The following PSMB1 variants were observed in gnomAD, a reference collection of about 807,000 sequenced individuals.
The protein encoded by PSMB1 is proteasome 20S subunit beta 1.
PSMB1 carries 7 observed loss-of-function variants against 25.4 expected under a neutral mutation model. The observed-to-expected ratio is 0.28, with a 90% CI of 0.16 to 0.52. The LOEUF is 0.52. Ranked by LOEUF, PSMB1 falls within the 20% of genes least tolerant of loss-of-function variation. The probability of loss-of-function intolerance (pLI) is 0.97; values close to 1 mark genes in which losing one functional copy is unlikely to be tolerated. For synonymous variants in PSMB1, 119 were observed against 115.0 expected (o/e 1.03, Z -0.22); for missense variants, 284 against 302.2 (o/e 0.94, Z 0.45).
intron 4 of PSMB1, among the ~76,000 whole-genome samples, chr6:170,543,241 C>T (rs958510268): frequency 5.3e-5 from 8 of 152,132 alleles, no homozygotes; most frequent in Non-Finnish European, 1.2e-4. Flanking sequence ...CGTTAAAGAA[C>T]TTTTTTGAAG....
rs536443606 is a variant in PSMB1 at position 170,541,993 on chromosome 6, G to A, written c.433+1608C>T. On this transcript the variant is annotated intron_variant, in intron 4 of 5. Coordinates refer to ENST00000262193, the MANE Select transcript of PSMB1 (RefSeq NM_002793.4). ...GACATTAAAGCCAGGCATAATGTAA[G>A]TCAAAAAAGACACCAGAAGCATCCA... Among the ~76,000 whole-genome samples, 72 of 152,292 alleles carry A rather than the reference G, an allele frequency of 4.7e-4. No homozygotes were observed. The South Asian group carries it at 9.1e-3, about 19-fold the overall frequency.
chr6:170,551,364 C>G (rs1778899673), intron 1 of PSMB1, among the ~76,000 whole-genome samples: 1 of 152,022 alleles, frequency 6.6e-6, no homozygotes, highest in Non-Finnish European at 1.5e-5. Flanking sequence ...ATAAACAAGG[C>G]GGCTAATGAC....
Position 170,535,134 on chromosome 6 carries a change from C to A in PSMB1, c.*86G>T. 7 of 1,260,454 alleles carry A rather than the reference C, an allele frequency of 5.6e-6. No individual in the cohort carries two copies. In the South Asian group the frequency reaches 1.3e-4, roughly 24 times the overall value. 78.1% of individuals were successfully genotyped at this position (1,260,454 alleles called of 1,614,324 possible). ...AGCAAAATGAGTACTTCAGGTTTCT[C>A]TTTTAATAAACAAAACCATCCAAGG... On this transcript the variant is annotated 3_prime_UTR_variant, in exon 6 of 6. Transcript: ENST00000262193.
intron 4 of PSMB1, among the ~76,000 whole-genome samples, 175 bp downstream of exon 4, chr6:170,543,426 T>C (rs1251952716): frequency 6.6e-6 from 1 of 152,226 alleles, no homozygotes; most frequent in Admixed American, 6.5e-5. Flanking sequence ...AGAGCTTCAA[T>C]GTGCCTTTGG....
chr6:170,552,414 G>A (rs1409904439), intron 1 of PSMB1, among the ~76,000 whole-genome samples: 1 of 151,794 alleles, frequency 6.6e-6, no homozygotes, highest in Non-Finnish European at 1.5e-5. Context: ...AGATAAAGCT[G>A]GTAATTAAAA....
rs1379556103 is a variant in PSMB1 at position 170,546,110 on chromosome 6, C to T, written c.296G>A (p.Arg99Lys). 1.2e-6 allele frequency: 2 copies of T among 1,612,308 alleles called. No homozygotes were observed. Among genetic ancestry groups the T allele is most frequent in the African/African-American group, 2.7e-5 (2 of 74,884 alleles). ...CLTLTKIIEA[R>K]LKMYKHSNNK... ...ATGTACAAAAGCATCTACCTTTAGTCTTGCTTCAATAATCTTTGTCAGCGT... is the reference window on the plus strand; with the variant it reads ...ATGTACAAAAGCATCTACCTTTAGTTTTGCTTCAATAATCTTTGTCAGCGT... The change falls in exon 3 of 6, where the codon AGA becomes AAA. Residue 99 changes from arginine (R) to lysine (K), a missense_variant. Coordinates refer to ENST00000262193, the MANE Select transcript of PSMB1 (RefSeq NM_002793.4).
At chr6:170,549,270 C>T (rs373197762) in intron 1 of PSMB1, 157 bp from the exon 2 acceptor site, 32 of 508,422 alleles carry the variant, frequency 6.3e-5, no homozygotes, top group East Asian at 6.0e-5. Flanking sequence ...AGAGAATGAA[C>T]GCCTGGCTAC....
chr6:170,551,896 A>G (rs1310890593), intron 1 of PSMB1, among the ~76,000 whole-genome samples: 13 of 152,202 alleles, frequency 8.5e-5, no homozygotes, highest in Admixed American at 8.5e-4. Flanking sequence ...TTCTCACCAA[A>G]AACTATGAAG....
intron 3 of PSMB1, among the ~76,000 whole-genome samples, chr6:170,544,694 G>A (rs997199725): frequency 2.0e-5 from 3 of 152,044 alleles, no homozygotes; most frequent in Non-Finnish European, 2.9e-5. Context: ...AAAGTGAGAC[G>A]CTGTCTCTAA....
intron 5 of PSMB1, chr6:170,536,246 A>G (rs1778690681): frequency 5.5e-6 from 2 of 360,442 alleles, no homozygotes; most frequent in Admixed American, 3.8e-5. Context: ...AGAGAAAGGT[A>G]TGCCACAAAT....
At chr6:170,550,122 T>C (rs1778872821) in intron 1 of PSMB1, 1 of 152,206 alleles carries the variant, frequency 6.6e-6, no homozygotes, top group Admixed American at 6.5e-5. Flanking sequence ...TAGTGGAAAT[T>C]AAAGGCATGG....
intron 1 of PSMB1, among the ~76,000 whole-genome samples, chr6:170,552,520 A>T (rs1413607945): frequency 2.8e-5 from 1 of 36,060 alleles, no homozygotes; most frequent in East Asian, 3.6e-3. Flanking sequence ...CTAAACGTTA[A>T]AAAAAAAAAG....
intron 5 of PSMB1, chr6:170,536,248 G>A: frequency 2.8e-6 from 1 of 360,982 alleles, no homozygotes. Flanking sequence ...AGAAAGGTAT[G>A]CCACAAATGT....
chr6:170,537,627 T>TA (rs777864308), intron 4 of PSMB1, among the ~76,000 whole-genome samples: 2 of 152,116 alleles, frequency 1.3e-5, no homozygotes, highest in Non-Finnish European at 2.9e-5. Context: ...GCTTGGGAGT[T>TA]AAAATACAAT....
Position 170,537,220 on chromosome 6 carries a change from C to A in PSMB1, c.540+14G>T. On this transcript the variant is annotated intron_variant, in intron 5 of 5. Transcript: ENST00000262193. ...GTTGGACATAGTATCATTACCTGGACACAGTATCATTACCTGGTTGTCAAG... is the reference window on the plus strand; with the variant it reads ...GTTGGACATAGTATCATTACCTGGAAACAGTATCATTACCTGGTTGTCAAG... 1 of 1,598,348 alleles carries A rather than the reference C, an allele frequency of 6.3e-7. No individual in the cohort carries two copies. The highest frequency in any genetic ancestry group is 8.6e-7 in the Non-Finnish European group (1 of 1,166,024).
intron 5 of PSMB1, among the ~76,000 whole-genome samples, chr6:170,536,975 G>C (rs1237884197): frequency 6.6e-6 from 1 of 152,166 alleles, no homozygotes; most frequent in Non-Finnish European, 1.5e-5. Flanking sequence ...ACATAAAAGA[G>C]TTGGAAGCCA....
chr6:170,536,399 T>C (rs1244655145), intron 5 of PSMB1: 2 of 451,734 alleles, frequency 4.4e-6, no homozygotes, highest in Non-Finnish European at 8.9e-6. Flanking sequence ...AAACCTTAAA[T>C]AACAAGTGGC....
intron 4 of PSMB1, among the ~76,000 whole-genome samples, chr6:170,540,684 A>G (rs75801034): frequency 1.3e-5 from 2 of 151,890 alleles, no homozygotes; most frequent in Non-Finnish European, 2.9e-5. Flanking sequence ...TGAAAAAAAA[A>G]ACATTCTGAT....
chr6:170,548,179 C>T (rs1200461761), intron 2 of PSMB1, among the ~76,000 whole-genome samples: 1 of 152,146 alleles, frequency 6.6e-6, no homozygotes, highest in Admixed American at 6.5e-5. Context: ...TCCCTAGGAG[C>T]AGGAAAGACA....
Sources: gnomAD v4.1 joint callset for allele counts (sites outside exome capture counted in the v4.1 genomes callset) on GRCh38, gnomAD v4.1.1 for gene constraint, MANE v1.5 for transcripts, NCBI Gene and HGNC (gene_info 2026-07-23, HGNC 2026-07-21) for gene names.